LRP5: variants seen among roughly 807,000 people sequenced by gnomAD.
LRP5 encodes low-density lipoprotein receptor-related protein 5.
In LRP5, 62 loss-of-function variants were observed where a neutral mutation model predicts 154.1. That is an observed-to-expected ratio of 0.40 (90% CI 0.33 to 0.50). The LOEUF is 0.50. Among genes scored for constraint, LRP5 ranks in the 20% least tolerant of loss-of-function variants. The pLI, the probability that LRP5 is intolerant of heterozygous loss-of-function variation, is 0.55. For synonymous variants in LRP5, 966 were observed against 1,011.5 expected (o/e 0.96, Z 0.85); for missense variants, 1,915 against 2,336.7 (o/e 0.82, Z 3.72).
intron 13 of LRP5, among the ~76,000 whole-genome samples, chr11:68,422,204 T>G (rs2098666201): frequency 6.6e-6 from 1 of 152,190 alleles, no homozygotes; most frequent in Non-Finnish European, 1.5e-5. Flanking sequence ...CACCTCAGTT[T>G]CCCGACATTC....
intron 1 of LRP5, among the ~76,000 whole-genome samples, chr11:68,317,172 G>C (rs899975525): frequency 1.3e-5 from 2 of 152,226 alleles, no homozygotes; most frequent in Non-Finnish European, 2.9e-5. Context: ...GCTGGCTCCG[G>C]CTGCTCTCTG....
At position 68,390,032 on chromosome 11, in the gene LRP5, G is replaced by A. The variant is rs80358309; in HGVS notation, c.1564G>A (p.Ala522Thr). ...LQEGKLYWGD[A>T]KTDKIEVINV... is the part of the protein sequence containing the mutation. ...GGAGGGGAAGCTCTACTGGGGAGAC[G>A]CCAAGACAGACAAGATCGAGGTGAG... The change falls in exon 7 of 23, where the codon GCC becomes ACC. Residue 522 changes from alanine to threonine, a missense_variant. This residue lies in a region of LRP5 where 773 missense variants were observed against 1,100.9 expected (regional missense o/e 0.70). Coordinates refer to ENST00000294304, the MANE Select transcript of LRP5 (RefSeq NM_002335.4). 2 of 1,614,248 alleles carry A rather than the reference G, an allele frequency of 1.2e-6. No homozygotes were observed. Among genetic ancestry groups the A allele is most frequent in the African/African-American group, 1.3e-5 (1 of 75,066 alleles).
At chr11:68,436,343 G>A (rs917674721) in intron 18 of LRP5, among the ~76,000 whole-genome samples, 2 of 152,084 alleles carry the variant, frequency 1.3e-5, no homozygotes, top group African/African-American at 4.8e-5. Context: ...TCTGGGGAGG[G>A]GTGGAGGCAG....
At chr11:68,317,082 T>TAG (rs1469190128) in intron 1 of LRP5, among the ~76,000 whole-genome samples, 9 of 152,316 alleles carry the variant, frequency 5.9e-5, no homozygotes, top group Non-Finnish European at 7.4e-5. Flanking sequence ...CCTGGAGGGC[T>TAG]GTCCTGGGGC....
At chr11:68,399,060 T>A (rs1367374991) in intron 7 of LRP5, among the ~76,000 whole-genome samples, 1 of 152,022 alleles carries the variant, frequency 6.6e-6, no homozygotes, top group African/African-American at 2.4e-5. Flanking sequence ...GGTGTGGTAG[T>A]GTGTGCCTCT....
chr11:68,416,815 C>T (rs1238526317), intron 13 of LRP5, among the ~76,000 whole-genome samples: 3 of 152,202 alleles, frequency 2.0e-5, no homozygotes, highest in South Asian at 2.1e-4. Flanking sequence ...GGTCGTGTGT[C>T]ATGCAGGGGT....
chr11:68,382,305 G>T (rs771085405), intron 5 of LRP5, among the ~76,000 whole-genome samples: 5 of 152,192 alleles, frequency 3.3e-5, no homozygotes, highest in Non-Finnish European at 5.9e-5. Flanking sequence ...CTAGGGCTGG[G>T]TGTGCTCAGC....
At chr11:68,402,348 G>T (rs1254158701) in intron 7 of LRP5, among the ~76,000 whole-genome samples, 1 of 152,072 alleles carries the variant, frequency 6.6e-6, no homozygotes, top group African/African-American at 2.4e-5. Flanking sequence ...TTTTCTCCTC[G>T]GTGGCTTTTG....
At chr11:68,303,786 C>T in the LRP5 span, among the ~76,000 whole-genome samples, 5 of 152,210 alleles carry the variant, frequency 3.3e-5, no homozygotes, top group African/African-American at 7.2e-5. Flanking sequence ...AGCCACCAAG[C>T]GTGGCCATAA....
At chr11:68,359,908 T>A (rs941378876) in intron 3 of LRP5, among the ~76,000 whole-genome samples, 2 of 151,642 alleles carry the variant, frequency 1.3e-5, no homozygotes, top group African/African-American at 4.8e-5. Context: ...TGCCTCAGCC[T>A]CCCAAGTAGC....
In LRP5 at chr11:68,386,195, C is replaced by A. The variant is rs893497644; in HGVS notation, c.1016-121C>A. 6 of 1,245,678 alleles carry A rather than the reference C, an allele frequency of 4.8e-6. No homozygotes were observed. The African/African-American group carries it at 7.4e-5, about 15-fold the overall frequency. The allele number at this position is 1,245,678 out of a possible 1,614,324, so 77.2% of individuals were successfully genotyped here. A position where few individuals can be genotyped will look rare whatever the true frequency, so the allele number is the denominator to read the frequency against. On this transcript the variant is annotated intron_variant, in intron 5 of 22. Transcript: ENST00000294304. The surrounding 1 kb of genome is among the most constrained non-coding windows in gnomAD (Gnocchi z 7.9). The stretch of plus-strand genomic sequence containing the variant: ...GGTGCGTGTCACCTAACATCACCAG[C>A]CTTTGCAAGGAGAGCCCTGGGGGCC...
In LRP5 at chr11:68,352,151, C is replaced by T. The variant is rs112105311; in HGVS notation, c.488+3908C>T. Reference sequence around the variant, plus strand: ...CAGGAGCCCTCTCCACGGTTATTACCGGGATCCTGGCGACAGAAAGCAGCA... The same window carrying T: ...CAGGAGCCCTCTCCACGGTTATTACTGGGATCCTGGCGACAGAAAGCAGCA... On this transcript the variant is annotated intron_variant, in intron 2 of 22. Transcript: ENST00000294304. Among the ~76,000 whole-genome samples the T allele has an allele frequency of 4.1e-3, 626 of 152,252 alleles. 7 individuals are homozygous for T. Among genetic ancestry groups the T allele is most frequent in the African/African-American group, 0.013 (559 of 41,538 alleles).
intron 1 of LRP5, among the ~76,000 whole-genome samples, chr11:68,323,499 C>T (rs1195801424): frequency 1.3e-5 from 2 of 148,480 alleles, no homozygotes; most frequent in African/African-American, 5.0e-5. Flanking sequence ...GCAGCCTCTA[C>T]CTCCCCTGGG....
intron 8 of LRP5, chr11:68,404,144 C>T (rs923708551): frequency 1.6e-5 from 7 of 434,046 alleles, no homozygotes; most frequent in Non-Finnish European, 3.1e-5. Context: ...TGTGCACCTT[C>T]CACCTGAAAG....
chr11:68,434,865 G>A (rs1460726812), intron 18 of LRP5, among the ~76,000 whole-genome samples: 1 of 152,172 alleles, frequency 6.6e-6, no homozygotes, highest in Non-Finnish European at 1.5e-5. Context: ...CAGACATTTC[G>A]TAGAAGATGA....
chr11:68,373,637 T>C (rs1158850041), intron 5 of LRP5, among the ~76,000 whole-genome samples: 1 of 152,188 alleles, frequency 6.6e-6, no homozygotes, highest in Non-Finnish European at 1.5e-5. Flanking sequence ...AGCAGTCGAG[T>C]GCAGAGCCTG....
At position 68,433,833 on chromosome 11, in the gene LRP5, G is replaced by A; in HGVS notation, c.3995G>A (p.Cys1332Tyr). The A allele has an allele frequency of 6.2e-7, 1 of 1,612,182 alleles. No individual in the cohort carries two copies. The highest frequency in any genetic ancestry group is 8.5e-7 in the Non-Finnish European group (1 of 1,179,594). ...DCQDRSDEAD[C>Y]DAICLPNQFR... ...CAGGACCGCTCAGACGAGGCGGACTGTGACGGTGAGGCCCTCCCCGTCAAG... is the reference window on the plus strand; with the variant it reads ...CAGGACCGCTCAGACGAGGCGGACTATGACGGTGAGGCCCTCCCCGTCAAG... The change falls in exon 18 of 23, where the codon TGT becomes TAT. Residue 1332 changes from cysteine to tyrosine, a missense_variant. Physicochemically the swap from Cys to Tyr is radical, Grantham distance 194. Coordinates refer to ENST00000294304, the MANE Select transcript of LRP5 (RefSeq NM_002335.4).
At chr11:68,323,033 A>C (rs573795434) in intron 1 of LRP5, among the ~76,000 whole-genome samples, 9 of 152,244 alleles carry the variant, frequency 5.9e-5, no homozygotes, top group Non-Finnish European at 1.3e-4. Flanking sequence ...GAAACTTTAT[A>C]TAAACATTTT....
intron 21 of LRP5, among the ~76,000 whole-genome samples, chr11:68,440,321 TG>T (rs1382600087): frequency 6.6e-6 from 1 of 152,170 alleles, no homozygotes; most frequent in Non-Finnish European, 1.5e-5. Context: ...GGCTGCTTCC[TG>T]GAAAACAGCT....
Sources: gnomAD v4.1 joint callset for allele counts (sites outside exome capture counted in the v4.1 genomes callset) on GRCh38, gnomAD v4.1.1 for gene constraint, gnomAD v4.1.1 regional missense constraint, Gnocchi (gnomAD v3.1) non-coding constraint, MANE v1.5 for transcripts, NCBI Gene and HGNC (gene_info 2026-07-23, HGNC 2026-07-21) for gene names.